NPSR1: variants seen among roughly 807,000 people sequenced by gnomAD.
NPSR1 encodes neuropeptide S receptor 1, also known as neuropeptide S receptor.
A neutral mutation model predicts 46.9 loss-of-function variants in NPSR1; 48 were observed. The observed-to-expected ratio is 1.02, with a 90% CI of 0.81 to 1.30. The LOEUF (loss-of-function observed/expected upper bound fraction) is 1.30, where lower values mean the gene tolerates loss of function less well. NPSR1 is among the 50% of genes most tolerant of loss of function. The pLI is 0.00. For missense variants in NPSR1, 450 were observed against 449.5 expected, an observed-to-expected ratio of 1.00 and a Z score of -0.01; for synonymous variants, 176 against 168.1, an observed-to-expected ratio of 1.05 and a Z score of -0.36.
chr7:34,811,656 C>A lies in NPSR1; in HGVS notation c.385-114C>A. The A allele has an allele frequency of 4.5e-6, 3 of 662,016 alleles. No individual in the cohort carries two copies. The Admixed American group carries it at 8.2e-5, about 18-fold the overall frequency. The allele number at this position is 662,016 out of a possible 1,614,324, so 41.0% of individuals were successfully genotyped here. A position where few individuals can be genotyped will look rare whatever the true frequency, so the allele number is the denominator to read the frequency against. The stretch of plus-strand genomic sequence containing the variant: ...TTTCCCTTCCTAATCCAACACTCAC[C>A]CCTTCTTTGGTTCACCTCTCAGATT... On this transcript the variant is annotated intron_variant, in intron 3 of 8. Coordinates refer to ENST00000360581, the MANE Select transcript of NPSR1 (RefSeq NM_207172.2).
At chr7:34,714,381 T>C (rs1201337254) in intron 2 of NPSR1, among the ~76,000 whole-genome samples, 1 of 152,204 alleles carries the variant, frequency 6.6e-6, no homozygotes, top group Non-Finnish European at 1.5e-5. Context: ...GGGGCCATCT[T>C]TGGAGACTAG....
chr7:34,870,965 T>A (rs1791440976), intron 8 of NPSR1, among the ~76,000 whole-genome samples: 3 of 151,702 alleles, frequency 2.0e-5, no homozygotes. Context: ...GAAGGGTAGA[T>A]GAACAGATAG....
intron 2 of NPSR1, among the ~76,000 whole-genome samples, chr7:34,718,643 T>C (rs565822206): frequency 2.6e-5 from 4 of 152,334 alleles, no homozygotes; most frequent in Non-Finnish European, 4.4e-5. Context: ...TCAAGGAATC[T>C]TGGTGTTTGT....
chr7:34,819,251 CA>C (rs1315510965), intron 4 of NPSR1, among the ~76,000 whole-genome samples: 2 of 152,124 alleles, frequency 1.3e-5, no homozygotes, highest in Non-Finnish European at 2.9e-5. Context: ...AAAAAGTGGG[CA>C]AAGGATATGA....
At chr7:34,699,062 A>G (rs989937603) in intron 2 of NPSR1, among the ~76,000 whole-genome samples, 4 of 152,244 alleles carry the variant, frequency 2.6e-5, no homozygotes. Context: ...GAATTGTTCT[A>G]TCAGAAGACC....
intron 2 of NPSR1, among the ~76,000 whole-genome samples, chr7:34,724,449 T>C (rs1784030557): frequency 6.6e-6 from 1 of 152,206 alleles, no homozygotes; most frequent in African/African-American, 2.4e-5. Flanking sequence ...TGATAAAGTG[T>C]GAAACATTTG....
chr7:34,860,186 C>T (rs1447224024), intron 8 of NPSR1, among the ~76,000 whole-genome samples: 3 of 151,698 alleles, frequency 2.0e-5, no homozygotes, highest in Admixed American at 6.5e-5. Context: ...GATGTGATGT[C>T]TTGGAACAAG....
intron 4 of NPSR1, among the ~76,000 whole-genome samples, chr7:34,819,174 A>T (rs1789420409): frequency 6.6e-6 from 1 of 152,174 alleles, no homozygotes; most frequent in Non-Finnish European, 1.5e-5. Flanking sequence ...TACCCATCTG[A>T]AAAGGGCTAA....
At chr7:34,851,679 T>C (rs1366407670), downstream of NPSR1, among the ~76,000 whole-genome samples, 1 of 152,230 alleles carries the variant, frequency 6.6e-6, no homozygotes, top group African/African-American at 2.4e-5. Context: ...GACCAGGTTC[T>C]CTTGACAGAT....
At chr7:34,805,469 T>C (rs1755006474) in intron 3 of NPSR1, among the ~76,000 whole-genome samples, 2 of 111,612 alleles carry the variant, frequency 1.8e-5, no homozygotes, top group South Asian at 5.3e-4. Flanking sequence ...AGTGGTTGAA[T>C]ATCCACATGC....
chr7:34,875,031 G>T (rs968391496), intron 8 of NPSR1, among the ~76,000 whole-genome samples: 31 of 152,146 alleles, frequency 2.0e-4, no homozygotes, highest in Non-Finnish European at 2.2e-4. Flanking sequence ...TTAATTGCCT[G>T]CTTCCACCAC....
chr7:34,848,010 G>T (rs35454659), intron 7 of NPSR1, among the ~76,000 whole-genome samples: 2,761 of 152,292 alleles, frequency 0.018, 47 homozygotes, highest in Middle Eastern at 0.034. Flanking sequence ...TTAAACTGGG[G>T]TGTGCTTAGA....
intron 5 of NPSR1, among the ~76,000 whole-genome samples, chr7:34,828,543 T>G (rs1324424100): frequency 6.8e-6 from 1 of 147,130 alleles, no homozygotes; most frequent in Non-Finnish European, 1.5e-5. Flanking sequence ...GGAAGAGACC[T>G]GGCACATTGT....
intron 3 of NPSR1, chr7:34,779,758 TTATTA>T (rs1787150243): frequency 3.2e-6 from 1 of 308,430 alleles, no homozygotes; most frequent in Non-Finnish European, 6.1e-6. Flanking sequence ...TTTCAATTGC[TTATTA>T]TATTAGCAAT....
At chr7:34,766,326 T>C (rs1222355179) in intron 2 of NPSR1, among the ~76,000 whole-genome samples, 1 of 152,136 alleles carries the variant, frequency 6.6e-6, no homozygotes, top group Non-Finnish European at 1.5e-5. Flanking sequence ...TTACTTACTC[T>C]GTGGCCCAAC....
At chr7:34,849,489 T>C (rs1790865821) in intron 8 of NPSR1, 76 bp from the exon 9 acceptor site, 1 of 1,603,416 alleles carries the variant, frequency 6.2e-7, no homozygotes, top group Non-Finnish European at 8.5e-7. Flanking sequence ...TCATAACTAT[T>C]GTCTCTTAAC....
At chr7:34,737,988 TG>T (rs749544265) in intron 2 of NPSR1, among the ~76,000 whole-genome samples, 5 of 152,238 alleles carry the variant, frequency 3.3e-5, no homozygotes, top group Non-Finnish European at 7.3e-5. Flanking sequence ...GATTTTTATC[TG>T]TTTTATTCAC....
intron 8 of NPSR1, among the ~76,000 whole-genome samples, chr7:34,856,596 A>G (rs1484626534): frequency 6.6e-6 from 1 of 151,594 alleles, no homozygotes; most frequent in East Asian, 1.9e-4. Flanking sequence ...GGGAATAATA[A>G]ATGATTTTTA....
Position 34,715,746 on chromosome 7 carries a change from A to G in NPSR1, c.280+31062A>G, listed in dbSNP as rs142388281. 3.4e-3 allele frequency among the ~76,000 whole-genome samples: 520 copies of G among 152,234 alleles called. 2 individuals carry two copies. Among genetic ancestry groups the G allele is most frequent in the African/African-American group, 0.012 (506 of 41,552 alleles). ...ACTGCAGATACCATAAGCCTCGCCT[A>G]TTTTGTTACTCCAAAGATGTGCTGG... On this transcript the variant is annotated intron_variant, in intron 2 of 8. Transcript: ENST00000360581.
Sources: allele counts gnomAD v4.1 joint callset (sites outside exome capture counted in the v4.1 genomes callset), GRCh38; gene constraint gnomAD v4.1.1; transcripts MANE v1.5; gene names NCBI Gene and HGNC (gene_info 2026-07-23, HGNC 2026-07-21).